ZNF678: variants seen among roughly 807,000 people sequenced by gnomAD.
ZNF678 encodes hypothetical protein MGC42493.
Under a neutral mutation model 3.0 loss-of-function variants are expected in ZNF678, and 5 were observed. The observed-to-expected ratio is 1.69, with a 90% confidence interval of 0.88 to 3.56. ZNF678 has a LOEUF of 3.56. Ranked by LOEUF, ZNF678 falls within the 30% of genes most tolerant of loss-of-function variation. The pLI is 0.00. For synonymous variants in ZNF678, 218 were observed against 199.6 expected (o/e 1.09, Z -0.78); for missense variants, 593 against 605.0 (o/e 0.98, Z 0.21).
At chr1:227,672,904 TTAAAGA>T (rs1171701117) in intron 5 of ZNF678, among the ~76,000 whole-genome samples, 1 of 152,212 alleles carries the variant, frequency 6.6e-6, no homozygotes, top group Non-Finnish European at 1.5e-5. Context: ...AAACTCATCC[TTAAAGA>T]TAACTGTGGT....
chr1:227,672,643 A>C (rs909461600), intron 5 of ZNF678, among the ~76,000 whole-genome samples: 15 of 151,962 alleles, frequency 9.9e-5, no homozygotes, highest in African/African-American at 3.6e-4. Context: ...GGCTTGTGTG[A>C]CTTGAGGGAG....
intron 1 of ZNF678, among the ~76,000 whole-genome samples, chr1:227,626,995 C>G (rs1658435820): frequency 6.7e-6 from 1 of 150,352 alleles, no homozygotes; most frequent in Non-Finnish European, 1.5e-5. Context: ...CTAGTAGATA[C>G]TGAAATCCCT....
intron 1 of ZNF678, among the ~76,000 whole-genome samples, chr1:227,565,609 G>A (rs1189712761): frequency 1.3e-5 from 2 of 151,920 alleles, no homozygotes; most frequent in East Asian, 3.9e-4. Context: ...TTATCTGTTT[G>A]TGAAGGCAGA....
chr1:227,669,432 C>A (rs1316245327), intron 5 of ZNF678, among the ~76,000 whole-genome samples: 1 of 151,924 alleles, frequency 6.6e-6, no homozygotes, highest in Admixed American at 6.6e-5. Flanking sequence ...GTCAGGAGAT[C>A]AAGACCATCC....
intron 1 of ZNF678, among the ~76,000 whole-genome samples, chr1:227,594,558 C>T (rs1328013350): frequency 1.3e-5 from 2 of 152,170 alleles, no homozygotes; most frequent in Non-Finnish European, 2.9e-5. Flanking sequence ...TTGATTAAAC[C>T]TTTAAAACAA....
At chr1:227,592,687 T>C (rs1382062712) in intron 1 of ZNF678, among the ~76,000 whole-genome samples, 1 of 152,254 alleles carries the variant, frequency 6.6e-6, no homozygotes, top group Non-Finnish European at 1.5e-5. Flanking sequence ...TTTAAATTGA[T>C]CTGGTATTCC....
Position 227,646,532 on chromosome 1 carries a change from T to TCCC in ZNF678, c.-163-5_-163-3dup, listed in dbSNP as rs78467777. The TCCC allele has an allele frequency of 3.2e-5, 42 of 1,294,358 alleles. No homozygotes were observed. The African/African-American group carries it at 5.6e-4, about 17-fold the overall frequency. 80.2% of individuals were successfully genotyped at this position (1,294,358 alleles called of 1,614,324 possible). ...CATTTTGTAAATACGTGTGTATTTT[T>TCCC]CCCCCCCCCAGGGACTACTGGCATT... On this transcript the variant is annotated splice_polypyrimidine_tract_variant and intron_variant, in intron 1 of 3. Transcript: ENST00000343776.
chr1:227,615,389 G>A (rs1447728126), intron 1 of ZNF678, among the ~76,000 whole-genome samples: 1 of 152,156 alleles, frequency 6.6e-6, no homozygotes, highest in Non-Finnish European at 1.5e-5. Context: ...GTATTTGGCA[G>A]CCATTTGGAT....
chr1:227,648,830 C>CT (rs1659021361), intron 2 of ZNF678, among the ~76,000 whole-genome samples: 1 of 141,256 alleles, frequency 7.1e-6, no homozygotes, highest in African/African-American at 2.7e-5. Flanking sequence ...AGACTCCATC[C>CT]CAAAAAAAAA....
intron 1 of ZNF678, among the ~76,000 whole-genome samples, chr1:227,644,229 G>A (rs1658899736): frequency 1.3e-5 from 2 of 152,132 alleles, no homozygotes; most frequent in African/African-American, 2.4e-5. Context: ...GATATGCCCT[G>A]TATTTACATC....
In ZNF678 at chr1:227,646,624, G is replaced by T. The variant is rs868352202; in HGVS notation, c.-83G>T. On this transcript the variant is annotated 5_prime_UTR_variant, in exon 2 of 4. Transcript: ENST00000343776. ...GCCTGGACCCTGCCCAGCGAAATTT[G>T]TATAGGGATGTGATGTTCGAGAACT... is the stretch of plus-strand genomic sequence containing the variant. 7.3e-6 allele frequency: 10 copies of T among 1,372,446 alleles called. No individual in the cohort carries two copies. The Middle Eastern group carries it at 1.9e-3, about 259-fold the overall frequency. 85.0% of individuals were successfully genotyped at this position (1,372,446 alleles called of 1,614,324 possible).
At chr1:227,663,029 T>C (rs1381117825), downstream of ZNF678, among the ~76,000 whole-genome samples, 1 of 152,178 alleles carries the variant, frequency 6.6e-6, no homozygotes, top group Non-Finnish European at 1.5e-5. Flanking sequence ...TAATCCAATA[T>C]GACTGGGGTC....
chr1:227,590,680 C>T (rs1035181519), intron 1 of ZNF678, among the ~76,000 whole-genome samples: 5 of 151,798 alleles, frequency 3.3e-5, no homozygotes, highest in Non-Finnish European at 7.4e-5. Flanking sequence ...TTAATAGTGC[C>T]AATAACACAA....
At chr1:227,586,419 A>G (rs1019518897) in intron 1 of ZNF678, among the ~76,000 whole-genome samples, 2 of 152,190 alleles carry the variant, frequency 1.3e-5, no homozygotes, top group Admixed American at 6.5e-5. Flanking sequence ...TGTTCCACCA[A>G]ATAGAATATA....
chr1:227,639,803 T>C (rs983975341), intron 1 of ZNF678, among the ~76,000 whole-genome samples: 4 of 152,170 alleles, frequency 2.6e-5, no homozygotes, highest in Non-Finnish European at 2.9e-5. Flanking sequence ...AGTCCCGGTC[T>C]TCTGGGGTGA....
At chr1:227,587,288 C>T (rs1229606346) in intron 1 of ZNF678, among the ~76,000 whole-genome samples, 1 of 150,788 alleles carries the variant, frequency 6.6e-6, no homozygotes, top group African/African-American at 2.4e-5. Flanking sequence ...GTTGCCTTTT[C>T]CAGGTTACTG....
chr1:227,583,869 C>T (rs1657194324), intron 1 of ZNF678, among the ~76,000 whole-genome samples: 1 of 152,188 alleles, frequency 6.6e-6, no homozygotes, highest in African/African-American at 2.4e-5. Flanking sequence ...GCTCTAGCTA[C>T]TCAATCACCA....
At chr1:227,602,913 T>A (rs1278440432) in intron 1 of ZNF678, among the ~76,000 whole-genome samples, 1 of 152,240 alleles carries the variant, frequency 6.6e-6, no homozygotes, top group Non-Finnish European at 1.5e-5. Context: ...TGAGAATTGC[T>A]TGAGCTCAGG....
intron 2 of ZNF678, among the ~76,000 whole-genome samples, chr1:227,647,507 G>A (rs962592280): frequency 3.3e-5 from 5 of 152,182 alleles, no homozygotes; most frequent in Non-Finnish European, 7.3e-5. Context: ...CAGCCTGGAA[G>A]TTTAAAGAGA....
Sources: allele counts gnomAD v4.1 joint callset (sites outside exome capture counted in the v4.1 genomes callset), GRCh38; gene constraint gnomAD v4.1.1; transcripts MANE v1.5; gene names NCBI Gene and HGNC (gene_info 2026-07-23, HGNC 2026-07-21).